The following WDFY2 variants were observed in gnomAD, a reference collection of about 807,000 sequenced individuals.
WDFY2 encodes the protein WD repeat and FYVE domain containing 2.
Under a neutral mutation model 56.4 loss-of-function variants are expected in WDFY2, and 36 were observed. The ratio of observed to expected loss-of-function variants is 0.64; its 90% CI spans 0.49 to 0.84. WDFY2 has a LOEUF of 0.84. Among genes scored for constraint, WDFY2 ranks in the 40% least tolerant of loss-of-function variants. WDFY2 has a pLI of 0.00. For missense variants in WDFY2, 444 were observed against 512.2 expected, an observed-to-expected ratio of 0.87 and a Z score of 1.29; for synonymous variants, 176 against 183.7, an observed-to-expected ratio of 0.96 and a Z score of 0.34.
At chr13:51,654,038 G>A (rs1955458903) in intron 1 of WDFY2, among the ~76,000 whole-genome samples, 1 of 152,240 alleles carries the variant, frequency 6.6e-6, no homozygotes, top group Non-Finnish European at 1.5e-5. Flanking sequence ...TCCTTGAGCT[G>A]TGGTGGGCTT....
chr13:51,621,999 A>AGT (rs1278624163), intron 1 of WDFY2, among the ~76,000 whole-genome samples: 4 of 152,174 alleles, frequency 2.6e-5, no homozygotes, highest in Non-Finnish European at 2.9e-5. Flanking sequence ...TAGAAAGATG[A>AGT]GTGTGTGTGT....
chr13:51,704,632 C>T (rs1952047640), intron 4 of WDFY2, among the ~76,000 whole-genome samples: 1 of 152,186 alleles, frequency 6.6e-6, no homozygotes, highest in Middle Eastern at 3.2e-3. Context: ...CCTTCTGTCT[C>T]CTGTTTCAAT....
intron 5 of WDFY2, 67 bp from the exon 6 acceptor site, chr13:51,727,611 C>A: frequency 6.9e-7 from 1 of 1,451,006 alleles, no homozygotes; most frequent in Non-Finnish European, 9.6e-7. Flanking sequence ...TACATTTATG[C>A]CCTGTTTTTT....
chr13:51,646,267 G>A (rs141326458), intron 1 of WDFY2, among the ~76,000 whole-genome samples: 169 of 152,326 alleles, frequency 1.1e-3, no homozygotes, highest in Non-Finnish European at 5.3e-4. Context: ...ACTCCTGCTC[G>A]CCTTGCCTCC....
chr13:51,612,335 T>G (rs1415470478), intron 1 of WDFY2, among the ~76,000 whole-genome samples: 2 of 152,238 alleles, frequency 1.3e-5, no homozygotes, highest in Non-Finnish European at 2.9e-5. Context: ...AGACAGTTCC[T>G]AAGTATTTGG....
chr13:51,650,477 T>C (rs1203603448), intron 1 of WDFY2, among the ~76,000 whole-genome samples: 7 of 152,340 alleles, frequency 4.6e-5, no homozygotes, highest in African/African-American at 1.7e-4. Flanking sequence ...AGAGAGGGCA[T>C]TCCTGTCTTG....
chr13:51,598,905 CTTTTT>C (rs569169884), intron 1 of WDFY2, among the ~76,000 whole-genome samples: 2 of 115,780 alleles, frequency 1.7e-5, no homozygotes, highest in East Asian at 2.6e-4. Flanking sequence ...GTGCCATTTA[CTTTTT>C]TTTTTTTTTT....
At chr13:51,678,110 T>A (rs964447923) in intron 3 of WDFY2, among the ~76,000 whole-genome samples, 1 of 152,220 alleles carries the variant, frequency 6.6e-6, no homozygotes, top group African/African-American at 2.4e-5. Flanking sequence ...ATCTTTTTGT[T>A]TGTATTTTTA....
chr13:51,745,222 C>A (rs1286067689), intron 7 of WDFY2, among the ~76,000 whole-genome samples: 1 of 152,062 alleles, frequency 6.6e-6, no homozygotes, highest in African/African-American at 2.4e-5. Context: ...GCACTCTATA[C>A]TTTAAAAAGT....
At chr13:51,616,814 A>ACT (rs975183715) in intron 1 of WDFY2, among the ~76,000 whole-genome samples, 1 of 152,230 alleles carries the variant, frequency 6.6e-6, no homozygotes, top group African/African-American at 2.4e-5. Context: ...GTACTATGAG[A>ACT]TGAGTTACCA....
rs541289361 is a variant in WDFY2 at position 51,697,391 on chromosome 13, G to A, written c.280-6205G>A. Among the ~76,000 whole-genome samples the A allele has an allele frequency of 4.4e-4, 67 of 152,170 alleles. 1 individual carries two copies. The South Asian group carries it at 6.2e-3, about 14-fold the overall frequency. The stretch of plus-strand genomic sequence containing the variant: ...TCACGCCTATAATCCCAGCACTTTC[G>A]GAAGGCTGAGGCAGGCAGATTGCTG... On this transcript the variant is annotated intron_variant, in intron 3 of 11. Coordinates refer to ENST00000298125, the MANE Select transcript of WDFY2 (RefSeq NM_052950.4).
intron 1 of WDFY2, among the ~76,000 whole-genome samples, chr13:51,639,282 A>G (rs1179364414): frequency 1.3e-5 from 2 of 152,216 alleles, no homozygotes; most frequent in Admixed American, 6.5e-5. Flanking sequence ...ATTTTGATTT[A>G]TGGGATTTAT....
At chr13:51,730,969 A>G (rs763502618) in intron 6 of WDFY2, among the ~76,000 whole-genome samples, 4 of 152,212 alleles carry the variant, frequency 2.6e-5, no homozygotes, top group Non-Finnish European at 5.9e-5. Context: ...CTGAGAGACC[A>G]TTAAAGAGTT....
At chr13:51,636,985 ACTT>A (rs1397667863) in intron 1 of WDFY2, among the ~76,000 whole-genome samples, 1 of 152,214 alleles carries the variant, frequency 6.6e-6, no homozygotes, top group East Asian at 1.9e-4. Context: ...AAATTATAAA[ACTT>A]CTAGAAGAAA....
chr13:51,651,200 A>AT (rs1408086722), intron 1 of WDFY2, among the ~76,000 whole-genome samples: 1 of 152,170 alleles, frequency 6.6e-6, no homozygotes, highest in African/African-American at 2.4e-5. Flanking sequence ...GTATATTTGC[A>AT]TAGAGGTGTT....
At chr13:51,585,234 G>A (rs1050655997) in intron 1 of WDFY2, among the ~76,000 whole-genome samples, 4 of 152,220 alleles carry the variant, frequency 2.6e-5, no homozygotes, top group African/African-American at 9.6e-5. Flanking sequence ...GGGTACTCTC[G>A]TACAGCTCCC....
chr13:51,681,434 T>C (rs1302235869), intron 3 of WDFY2, among the ~76,000 whole-genome samples: 1 of 152,152 alleles, frequency 6.6e-6, no homozygotes, highest in Non-Finnish European at 1.5e-5. Context: ...TTCAGAGAAA[T>C]GTGTGCGTGG....
chr13:51,666,309 T>G (rs1488104735), intron 2 of WDFY2, among the ~76,000 whole-genome samples: 1 of 152,238 alleles, frequency 6.6e-6, no homozygotes, highest in Admixed American at 6.5e-5. Context: ...TATGGCTGTT[T>G]TTGAAGTAAT....
chr13:51,707,939 C>CTTTTTTTTTTTTTTTTTTTTTTTT (rs56054205), intron 4 of WDFY2, among the ~76,000 whole-genome samples: 1 of 57,570 alleles, frequency 1.7e-5, no homozygotes, highest in African/African-American at 7.2e-5. Context: ...CCTAAAACAA[C>CTTTTTTTTTTTTTTTTTTTTTTTT]TTTTTTTTTT....
Sources: gnomAD v4.1 joint callset for allele counts (sites outside exome capture counted in the v4.1 genomes callset) on GRCh38, gnomAD v4.1.1 for gene constraint, MANE v1.5 for transcripts, NCBI Gene and HGNC (gene_info 2026-07-23, HGNC 2026-07-21) for gene names.